TULP4: variants seen among roughly 807,000 people sequenced by gnomAD.
The protein encoded by TULP4 is tubby-related protein 4.
In TULP4, 16 loss-of-function variants were observed where a neutral mutation model predicts 129.0. That is an observed-to-expected ratio of 0.12 (90% CI 0.08 to 0.19). TULP4 has a LOEUF of 0.19. TULP4 is among the 10% of genes least tolerant of loss of function. The probability of loss-of-function intolerance (pLI) is 1.00; values close to 1 mark genes in which losing one functional copy is unlikely to be tolerated. For missense variants in TULP4, 1,842 were observed against 2,059.1 expected, an observed-to-expected ratio of 0.89 and a Z score of 2.04; for synonymous variants, 998 against 854.0, an observed-to-expected ratio of 1.17 and a Z score of -2.94.
chr6:158,471,685 A>G (rs770177570), intron 6 of TULP4, among the ~76,000 whole-genome samples: 4 of 152,216 alleles, frequency 2.6e-5, no homozygotes, highest in Non-Finnish European at 4.4e-5. Context: ...AAACATAAAT[A>G]TTAGAGTTCC....
intron 1 of TULP4, among the ~76,000 whole-genome samples, chr6:158,263,283 A>C (rs1403350429): frequency 6.6e-6 from 1 of 152,226 alleles, no homozygotes; most frequent in Non-Finnish European, 1.5e-5. Flanking sequence ...ACTGGGCCTA[A>C]GCTGGGAGAC....
At chr6:158,318,459 C>T (rs76006460) in intron 1 of TULP4, among the ~76,000 whole-genome samples, 2 of 152,292 alleles carry the variant, frequency 1.3e-5, no homozygotes, top group Non-Finnish European at 2.9e-5. Context: ...CAGTGCCTGA[C>T]GTGGTTTCAG....
intron 6 of TULP4, among the ~76,000 whole-genome samples, chr6:158,467,885 G>A (rs1297923910): frequency 6.6e-6 from 1 of 152,204 alleles, no homozygotes; most frequent in East Asian, 1.9e-4. Context: ...CTGGTTGAAT[G>A]AATCAGTGAG....
chr6:158,385,323 T>C (rs1211015862), intron 1 of TULP4, among the ~76,000 whole-genome samples: 1 of 152,240 alleles, frequency 6.6e-6, no homozygotes, highest in African/African-American at 2.4e-5. Flanking sequence ...ATGTATAATT[T>C]CTCTGCAGTC....
Position 158,507,343 on chromosome 6 carries a change from A to G in TULP4, c.*649A>G, listed in dbSNP as rs1780628646. The G allele has an allele frequency of 6.5e-6, 1 of 153,780 alleles. No individual in the cohort carries two copies. The highest frequency in any genetic ancestry group is 2.0e-4 in the South Asian group (1 of 4,906). The allele number at this position is 153,780 out of a possible 1,614,324, so 9.5% of individuals were successfully genotyped here. On this transcript the variant is annotated 3_prime_UTR_variant, in exon 14 of 14. Coordinates refer to ENST00000367097, the MANE Select transcript of TULP4 (RefSeq NM_020245.5). ...GATGTTGGGGAAGGGACGAAGGGTAAAGAAGAAACTGCACGTATACACAGG... is the reference window on the plus strand; with the variant it reads ...GATGTTGGGGAAGGGACGAAGGGTAGAGAAGAAACTGCACGTATACACAGG...
intron 1 of TULP4, among the ~76,000 whole-genome samples, chr6:158,257,573 T>C (rs1035375270): frequency 5.3e-5 from 8 of 152,238 alleles, no homozygotes; most frequent in African/African-American, 1.9e-4. Context: ...TTCTGTATGA[T>C]GAATCATCAG....
At chr6:158,282,131 C>T (rs950962936), upstream of TULP4, 11 of 152,020 alleles carry the variant, frequency 7.2e-5, no homozygotes, top group Non-Finnish European at 1.2e-4. Context: ...ATATTCTTCT[C>T]GGAAAGAGTC....
chr6:158,317,616 G>A (rs538638437), intron 1 of TULP4, among the ~76,000 whole-genome samples: 1 of 152,098 alleles, frequency 6.6e-6, no homozygotes, highest in Non-Finnish European at 1.5e-5. Context: ...GAATAGTGCC[G>A]CAATAAACAT....
At chr6:158,489,802 A>C in intron 9 of TULP4, 70 bp downstream of exon 9, 5 of 1,580,710 alleles carry the variant, frequency 3.2e-6, no homozygotes, top group Non-Finnish European at 4.3e-6. Context: ...CCTGCAACAG[A>C]ATCGCATTGA....
rs1465032996 is a variant in TULP4 at position 158,344,148 on chromosome 6, TTG to T, written c.252+29883_252+29884del. Reference sequence around the variant, plus strand: ...TTCTCCCCACCCTTGAGAATGTTCTTTGTGAGATCCACCCCCTGCCCGCAAAA... The same window carrying T: ...TTCTCCCCACCCTTGAGAATGTTCTTTGAGATCCACCCCCTGCCCGCAAAA... On this transcript the variant is annotated intron_variant, in intron 1 of 13. Transcript: ENST00000367097. Among the ~76,000 whole-genome samples, 3 of 152,236 alleles carry T rather than the reference TTG, an allele frequency of 2.0e-5. No individual in the cohort carries two copies. The East Asian group carries it at 5.8e-4, about 29-fold the overall frequency.
chr6:158,423,629 G>GTTT (rs1353292463), intron 2 of TULP4, among the ~76,000 whole-genome samples: 5 of 84,544 alleles, frequency 5.9e-5, no homozygotes, highest in East Asian at 2.4e-4. Context: ...ATTTGTTTTT[G>GTTT]TTTTTTGTTG....
In TULP4 at chr6:158,442,340, G is replaced by T. The variant is rs142723829; in HGVS notation, c.544-6656G>T. ...GTTGTAAAATTTTGAAATGGGAAAGGATTTCAGGCTGACACTTGGGAGGCA... is the reference window on the plus strand; with the variant it reads ...GTTGTAAAATTTTGAAATGGGAAAGTATTTCAGGCTGACACTTGGGAGGCA... On this transcript the variant is annotated intron_variant, in intron 3 of 13. Coordinates refer to ENST00000367097, the MANE Select transcript of TULP4 (RefSeq NM_020245.5). Among the ~76,000 whole-genome samples the T allele has an allele frequency of 5.3e-4, 80 of 152,242 alleles. 1 individual carries two copies. The highest frequency in any genetic ancestry group is 1.8e-3 in the African/African-American group (74 of 41,526).
At chr6:158,490,125 C>T (rs1780167134) in intron 9 of TULP4, among the ~76,000 whole-genome samples, 1 of 152,192 alleles carries the variant, frequency 6.6e-6, no homozygotes, top group Non-Finnish European at 1.5e-5. Context: ...GAGCCGGGCA[C>T]AGTGGCTCAC....
chr6:158,499,310 G>A (rs1255208023), intron 12 of TULP4, among the ~76,000 whole-genome samples: 1 of 152,132 alleles, frequency 6.6e-6, no homozygotes, highest in African/African-American at 2.4e-5. Flanking sequence ...GCCTTTACCT[G>A]GAACTACCTC....
intron 1 of TULP4, among the ~76,000 whole-genome samples, chr6:158,393,501 TGGACATCCA>T (rs572429839): frequency 2.0e-4 from 31 of 152,254 alleles, no homozygotes; most frequent in Non-Finnish European, 3.4e-4. Context: ...GACTTCTCCC[TGGACATCCA>T]GGCATTTCCA....
At chr6:158,240,317 C>T (rs1475366943) in intron 1 of TULP4, among the ~76,000 whole-genome samples, 24 of 84,534 alleles carry the variant, frequency 2.8e-4, no homozygotes, top group East Asian at 2.5e-3. Flanking sequence ...CCTCACCTCC[C>T]GGACGGGGCG....
At chr6:158,241,916 G>T in intron 1 of TULP4, 1 of 778,102 alleles carries the variant, frequency 1.3e-6, no homozygotes, top group Non-Finnish European at 2.4e-6. Flanking sequence ...TCTATAGCTT[G>T]TAGTTGTTTC....
intron 9 of TULP4, among the ~76,000 whole-genome samples, chr6:158,490,781 A>G (rs987092147): frequency 2.0e-5 from 3 of 149,356 alleles, no homozygotes; most frequent in African/African-American, 7.4e-5. Flanking sequence ...TTCCCTTTGT[A>G]TCTGGCTCTT....
chr6:158,324,123 G>A (rs1779694527), intron 1 of TULP4, among the ~76,000 whole-genome samples: 1 of 152,152 alleles, frequency 6.6e-6, no homozygotes, highest in African/African-American at 2.4e-5. Context: ...ACTAGAATTT[G>A]ATGGATGTTC....
Sources: gnomAD v4.1 joint callset for allele counts (sites outside exome capture counted in the v4.1 genomes callset) on GRCh38, gnomAD v4.1.1 for gene constraint, MANE v1.5 for transcripts, NCBI Gene and HGNC (gene_info 2026-07-23, HGNC 2026-07-21) for gene names.